The following NR1I2 variants were observed in gnomAD, a reference collection of about 807,000 sequenced individuals.
NR1I2 encodes the protein orphan nuclear receptor PAR1.
A neutral mutation model predicts 43.3 loss-of-function variants in NR1I2; 42 were observed. That is an observed-to-expected ratio of 0.97 (90% CI 0.76 to 1.26). The LOEUF is 1.26. Among genes scored for constraint, NR1I2 ranks in the 50% most tolerant of loss-of-function variants. The probability of loss-of-function intolerance (pLI) is 0.00; values close to 1 mark genes in which losing one functional copy is unlikely to be tolerated. For synonymous variants in NR1I2, 229 were observed against 215.0 expected (o/e 1.06, Z -0.57); for missense variants, 559 against 566.7 (o/e 0.99, Z 0.14).
rs1376552093 is a variant in NR1I2 at position 119,807,419 on chromosome 3, A to G, written c.169A>G (p.Thr57Ala). ...CACTGGCTATCACTTCAATGTCATG[A>G]CATGTGAAGGATGCAAGGGCTTTTT... The change falls in exon 2 of 9, where the codon ACA (threonine) becomes GCA (alanine). Residue 57 changes from threonine to alanine, a missense_variant. This residue lies in a region of NR1I2 where 232 missense variants were observed against 236.6 expected (regional missense o/e 0.98). Transcript: ENST00000393716. The G allele has an allele frequency of 1.9e-6, 3 of 1,613,976 alleles. No homozygotes were observed. Among genetic ancestry groups the G allele is most frequent in the Non-Finnish European group, 2.5e-6 (3 of 1,180,052 alleles).
At chr3:119,789,404 G>A (rs1577268910) in intron 1 of NR1I2, among the ~76,000 whole-genome samples, 1 of 152,106 alleles carries the variant, frequency 6.6e-6, no homozygotes, top group South Asian at 2.1e-4. Context: ...GAAGGCAAAC[G>A]GCATGTCTTA....
chr3:119,816,276 T>C (rs2055326906), intron 8 of NR1I2, among the ~76,000 whole-genome samples: 1 of 152,162 alleles, frequency 6.6e-6, no homozygotes, highest in Non-Finnish European at 1.5e-5. Flanking sequence ...AACCCTTCCT[T>C]GTATGGAGGC....
intron 2 of NR1I2, 91 bp from the exon 3 acceptor site, chr3:119,809,970 G>T: frequency 6.5e-7 from 1 of 1,548,800 alleles, no homozygotes. Context: ...GAGTCGGTAG[G>T]GGCTGGGGAG....
intron 5 of NR1I2, among the ~76,000 whole-genome samples, chr3:119,814,269 T>C (rs1377426017): frequency 1.3e-5 from 2 of 152,050 alleles, no homozygotes; most frequent in African/African-American, 4.8e-5. Flanking sequence ...TGGGGGCCCC[T>C]CCCAGGTTGG....
rs2055348483 is a variant in NR1I2, at chr3:119,817,610, C to A, written c.*398C>A. 8.7e-7 allele frequency: 1 copy of A among 1,152,028 alleles called. No individual in the cohort carries two copies. Among genetic ancestry groups the A allele is most frequent in the Non-Finnish European group, 1.1e-6 (1 of 924,194 alleles). The allele number at this position is 1,152,028 out of a possible 1,614,324, so 71.4% of individuals were successfully genotyped here. A position where few individuals can be genotyped will look rare whatever the true frequency, so the allele number is the denominator to read the frequency against. On this transcript the variant is annotated 3_prime_UTR_variant, in exon 9 of 9. Transcript: ENST00000393716. ...CCATCTGGGGTCTATGCCCACATAC[C>A]CACGTTTGTTCGCTTCCTGAGTCTT...
intron 1 of NR1I2, among the ~76,000 whole-genome samples, chr3:119,791,297 TG>T (rs1485322433): frequency 6.6e-6 from 1 of 152,138 alleles, no homozygotes; most frequent in East Asian, 1.9e-4. Context: ...AGAGCAGGTT[TG>T]GGGTGGGCTT....
chr3:119,796,479 A>G (rs1244994408), intron 1 of NR1I2, among the ~76,000 whole-genome samples: 1 of 152,156 alleles, frequency 6.6e-6, no homozygotes, highest in Non-Finnish European at 1.5e-5. Flanking sequence ...TCCATTGTCC[A>G]GCCCTGAGCT....
In NR1I2 at chr3:119,815,845, G is replaced by C. The variant is rs774388887; in HGVS notation, c.1160+14G>C. The C allele has an allele frequency of 2.5e-6, 4 of 1,591,020 alleles. No individual in the cohort carries two copies. The African/African-American group carries it at 4.0e-5, about 16-fold the overall frequency. ...GCCTGCTCATAGGTGAGCACAGCAG[G>C]GGGTGAGGACCCGTGAGGGTGATGT... is the stretch of plus-strand genomic sequence containing the variant. On this transcript the variant is annotated intron_variant, in intron 8 of 8. Coordinates refer to ENST00000393716, the MANE Select transcript of NR1I2 (RefSeq NM_003889.4).
chr3:119,817,054 T>C lies in NR1I2; in HGVS notation c.1161-14T>C. On this transcript the variant is annotated splice_polypyrimidine_tract_variant and intron_variant, in intron 8 of 8. Coordinates refer to ENST00000393716, the MANE Select transcript of NR1I2 (RefSeq NM_003889.4). Reference sequence around the variant, plus strand: ...CGGGCTGCACCCACAATCTTTTCTCTGGCTGGCATGCAGGTTCTTGTTCCT... The same window carrying C: ...CGGGCTGCACCCACAATCTTTTCTCCGGCTGGCATGCAGGTTCTTGTTCCT... The C allele has an allele frequency of 6.2e-7, 1 of 1,614,164 alleles. No homozygotes were observed. The highest frequency in any genetic ancestry group is 8.5e-7 in the Non-Finnish European group (1 of 1,180,012).
rs747428529 is a variant in NR1I2 at position 119,815,728 on chromosome 3, C to G, written c.1057C>G (p.Arg353Gly). The change falls in exon 8 of 9, where the codon CGC (arginine) becomes GGC (glycine). Residue 353 changes from arginine (R) to glycine (G), a missense_variant and splice_region_variant. Coordinates refer to ENST00000393716, the MANE Select transcript of NR1I2 (RefSeq NM_003889.4). ...CACCACACCTCCCTCCCCTCCAGACCGCCCAGGTGTGCTGCAGCACCGCGT... is the reference window on the plus strand; with the variant it reads ...CACCACACCTCCCTCCCCTCCAGACGGCCCAGGTGTGCTGCAGCACCGCGT... 6.2e-7 allele frequency: 1 copy of G among 1,612,272 alleles called. No homozygotes were observed. The highest frequency in any genetic ancestry group is 1.3e-5 in the African/African-American group (1 of 75,022).
chr3:119,796,777 C>A (rs1380986636), intron 1 of NR1I2, among the ~76,000 whole-genome samples: 1 of 152,254 alleles, frequency 6.6e-6, no homozygotes, highest in African/African-American at 2.4e-5. Context: ...TCTCTCCTCA[C>A]TTCTTGCCCT....
Position 119,794,206 on chromosome 3 carries a change from GT to G in NR1I2, c.-23+11915del, listed in dbSNP as rs370438711. ...TTTTGTTTGTTTGTTTTTTTGGGGT[GT>G]TTTTTTTTGAGATAGAGTCTCACTC... On this transcript the variant is annotated intron_variant, in intron 1 of 8. Transcript: ENST00000393716. 6.5e-4 allele frequency among the ~76,000 whole-genome samples: 98 copies of G among 149,890 alleles called. 1 individual carries two copies. The highest frequency in any genetic ancestry group is 2.2e-3 in the African/African-American group (90 of 40,818).
chr3:119,784,698 T>C (rs989880424), intron 1 of NR1I2, among the ~76,000 whole-genome samples: 5 of 152,226 alleles, frequency 3.3e-5, no homozygotes, highest in African/African-American at 1.2e-4. Context: ...CACCTGGCAC[T>C]TATTGCAATA....
intron 5 of NR1I2, among the ~76,000 whole-genome samples, chr3:119,814,105 G>A (rs1950069448): frequency 6.6e-6 from 1 of 152,224 alleles, no homozygotes; most frequent in African/African-American, 2.4e-5. Flanking sequence ...TTGTAGCTCA[G>A]TGTTAGGGAT....
intron 1 of NR1I2, among the ~76,000 whole-genome samples, chr3:119,783,563 C>T (rs1168141041): frequency 6.6e-6 from 1 of 152,058 alleles, no homozygotes; most frequent in Admixed American, 6.5e-5. Context: ...CAACTTGTTC[C>T]AAAATTATTA....
intron 1 of NR1I2, among the ~76,000 whole-genome samples, chr3:119,793,084 T>C (rs147215099): frequency 2.6e-5 from 4 of 152,258 alleles, no homozygotes; most frequent in Middle Eastern, 3.4e-3. Context: ...CTGTGTGACA[T>C]GCCGGCTCGC....
Position 119,817,068 on chromosome 3 carries a change from G to T in NR1I2, c.1161G>T (p.Arg387Ser). The T allele has an allele frequency of 1.2e-6, 2 of 1,614,194 alleles. No homozygotes were observed. Among genetic ancestry groups the T allele is most frequent in the Non-Finnish European group, 1.7e-6 (2 of 1,180,026 alleles). The stretch of plus-strand genomic sequence containing the variant: ...AATCTTTTCTCTGGCTGGCATGCAG[G>T]TTCTTGTTCCTGAAGATCATGGCTA... The change falls in exon 9 of 9, where the codon AGG (arginine) becomes AGT (serine). Residue 387 changes from arginine (R) to serine (S), a missense_variant and splice_region_variant. Arg to Ser is a moderately radical substitution (Grantham distance 110). Transcript: ENST00000393716.
chr3:119,815,615 G>T, intron 7 of NR1I2, 111 bp from the exon 8 acceptor site: 1 of 1,094,698 alleles, frequency 9.1e-7, no homozygotes, highest in Non-Finnish European at 1.4e-6. Context: ...TCACTTCCCT[G>T]CCTGGGTGAC....
At chr3:119,805,367 G>A (rs191550971) in intron 1 of NR1I2, among the ~76,000 whole-genome samples, 1 of 152,206 alleles carries the variant, frequency 6.6e-6, no homozygotes, top group African/African-American at 2.4e-5. Flanking sequence ...TTGTGCCTAG[G>A]TATAAAGTGG....
Sources: gnomAD v4.1 joint callset for allele counts (sites outside exome capture counted in the v4.1 genomes callset) on GRCh38, gnomAD v4.1.1 for gene constraint, gnomAD v4.1.1 regional missense constraint, MANE v1.5 for transcripts, NCBI Gene and HGNC (gene_info 2026-07-23, HGNC 2026-07-21) for gene names.